The following NEO1 variants were observed in gnomAD, a reference collection of about 807,000 sequenced individuals.
NEO1 encodes the protein neogenin 1.
Under a neutral mutation model 159.7 loss-of-function variants are expected in NEO1, and 63 were observed. The observed-to-expected ratio is 0.39, with a 90% CI of 0.32 to 0.49. NEO1 has a LOEUF of 0.49. NEO1 is among the 20% of genes least tolerant of loss of function. The pLI, the probability that NEO1 is intolerant of heterozygous loss-of-function variation, is 0.85. For synonymous variants in NEO1, 633 were observed against 662.0 expected, an observed-to-expected ratio of 0.96 and a Z score of 0.67; for missense variants, 1,615 against 1,831.0, an observed-to-expected ratio of 0.88 and a Z score of 2.15.
At chr15:73,264,963 G>T (rs559638151) in intron 15 of NEO1, among the ~76,000 whole-genome samples, 8 of 152,248 alleles carry the variant, frequency 5.3e-5, no homozygotes, top group African/African-American at 1.9e-4. Context: ...GGAGAGAAAT[G>T]GGCTGTGTAA....
chr15:73,094,785 A>G (rs1313076119), intron 1 of NEO1, among the ~76,000 whole-genome samples: 3 of 151,864 alleles, frequency 2.0e-5, no homozygotes, highest in Non-Finnish European at 2.9e-5. Flanking sequence ...TGTTAGTTGG[A>G]TCTAGAGATT....
At chr15:73,224,751 C>CT (rs1174822004) in intron 7 of NEO1, among the ~76,000 whole-genome samples, 6 of 152,102 alleles carry the variant, frequency 3.9e-5, no homozygotes, top group African/African-American at 1.4e-4. Context: ...CTTCACCTTT[C>CT]TCTGGTGCCT....
At chr15:73,206,052 A>G (rs1012048809) in intron 7 of NEO1, among the ~76,000 whole-genome samples, 3 of 151,852 alleles carry the variant, frequency 2.0e-5, no homozygotes, top group African/African-American at 7.3e-5. Flanking sequence ...GGCTACAGGC[A>G]TGTGCCACTA....
At chr15:73,208,866 T>A (rs2037388509) in intron 7 of NEO1, among the ~76,000 whole-genome samples, 1 of 151,996 alleles carries the variant, frequency 6.6e-6, no homozygotes, top group Non-Finnish European at 1.5e-5. Flanking sequence ...TGTCTCAAAA[T>A]TAAAATAAAA....
At chr15:73,057,622 A>C (rs1241614090) in intron 1 of NEO1, among the ~76,000 whole-genome samples, 4 of 152,202 alleles carry the variant, frequency 2.6e-5, no homozygotes, top group Admixed American at 2.0e-4. Context: ...AATAGAGCTC[A>C]AATTTTGGAT....
At chr15:73,291,258 T>C (rs1371313175) in intron 25 of NEO1, among the ~76,000 whole-genome samples, 1 of 152,238 alleles carries the variant, frequency 6.6e-6, no homozygotes, top group Non-Finnish European at 1.5e-5. Context: ...AGTTCCTACC[T>C]GAACTGGCTT....
At chr15:73,097,760 C>A (rs1378884121) in intron 1 of NEO1, among the ~76,000 whole-genome samples, 4 of 145,532 alleles carry the variant, frequency 2.7e-5, no homozygotes, top group African/African-American at 1.0e-4. Flanking sequence ...TTTCTAATCC[C>A]AGACCTGGAA....
chr15:73,207,013 C>T (rs1465483609), intron 7 of NEO1, among the ~76,000 whole-genome samples: 1 of 152,116 alleles, frequency 6.6e-6, no homozygotes, highest in African/African-American at 2.4e-5. Context: ...CACACCACCA[C>T]ACCCAGTGAC....
At chr15:73,198,921 C>G (rs2152044556) in intron 7 of NEO1, among the ~76,000 whole-genome samples, 1 of 151,564 alleles carries the variant, frequency 6.6e-6, no homozygotes, top group South Asian at 2.1e-4. Flanking sequence ...TATTTAACAT[C>G]TTAATATGAT....
At chr15:73,274,130 T>C (rs1235935225) in intron 20 of NEO1, 125 bp downstream of exon 20, 5 of 926,804 alleles carry the variant, frequency 5.4e-6, no homozygotes, top group Non-Finnish European at 3.2e-6. Flanking sequence ...TTGTGAGCCA[T>C]GATGTGAAGA....
intron 1 of NEO1, among the ~76,000 whole-genome samples, chr15:73,065,610 T>A (rs4132535): frequency 6.6e-6 from 1 of 151,934 alleles, no homozygotes; most frequent in African/African-American, 2.4e-5. Context: ...TTACCTCCCG[T>A]CTTTGGCCAC....
chr15:73,102,920 C>T (rs2070480656), intron 1 of NEO1, among the ~76,000 whole-genome samples: 3 of 152,212 alleles, frequency 2.0e-5, no homozygotes, highest in African/African-American at 7.2e-5. Flanking sequence ...TGTCCTCCTC[C>T]TCAGTGACTG....
chr15:73,130,292 G>T (rs1007467827), intron 4 of NEO1, among the ~76,000 whole-genome samples: 2 of 144,104 alleles, frequency 1.4e-5, no homozygotes, highest in Non-Finnish European at 3.1e-5. Context: ...GGTTAGTTCT[G>T]TGGGCTCAGT....
intron 8 of NEO1, among the ~76,000 whole-genome samples, chr15:73,241,786 G>A (rs1330916251): frequency 6.6e-6 from 1 of 152,068 alleles, no homozygotes; most frequent in Non-Finnish European, 1.5e-5. Context: ...ACAGTAACTT[G>A]TTTCTGGGAC....
chr15:73,231,694 C>G (rs566961063), intron 7 of NEO1, among the ~76,000 whole-genome samples: 7 of 152,190 alleles, frequency 4.6e-5, no homozygotes, highest in Non-Finnish European at 8.8e-5. Flanking sequence ...TGCACTCCAG[C>G]CTGGGTGATA....
chr15:73,187,928 T>A (rs746416306), intron 7 of NEO1, among the ~76,000 whole-genome samples: 1 of 152,216 alleles, frequency 6.6e-6, no homozygotes, highest in Non-Finnish European at 1.5e-5. Flanking sequence ...GCAATGCTAA[T>A]GAACACAAAT....
chr15:73,094,849 T>G (rs2069908933), intron 1 of NEO1, among the ~76,000 whole-genome samples: 1 of 152,222 alleles, frequency 6.6e-6, no homozygotes, highest in Non-Finnish European at 1.5e-5. Context: ...AATTTATTCT[T>G]TCATCAAGAG....
chr15:73,072,289 A>G (rs760487949), intron 1 of NEO1, among the ~76,000 whole-genome samples: 10 of 151,980 alleles, frequency 6.6e-5, no homozygotes, highest in African/African-American at 1.2e-4. Flanking sequence ...AAATGTCATT[A>G]GAATTTGGAT....
chr15:73,234,001 G>T (rs1567555444), intron 7 of NEO1, among the ~76,000 whole-genome samples: 1 of 152,132 alleles, frequency 6.6e-6, no homozygotes, highest in Non-Finnish European at 1.5e-5. Flanking sequence ...TTGAACATAA[G>T]TCTTTGTACT....
Sources: allele counts gnomAD v4.1 joint callset (sites outside exome capture counted in the v4.1 genomes callset), GRCh38; gene constraint gnomAD v4.1.1; transcripts MANE v1.5; gene names NCBI Gene and HGNC (gene_info 2026-07-23, HGNC 2026-07-21).